SLC22A2: variants seen among roughly 807,000 people sequenced by gnomAD.
The protein encoded by SLC22A2 is solute carrier family 22 member 2, also known as organic cation transporter 2.
In SLC22A2, 46 loss-of-function variants were observed where a neutral mutation model predicts 60.5. The observed-to-expected ratio is 0.76, with a 90% CI of 0.60 to 0.97. The LOEUF is 0.97. Ranked by LOEUF, SLC22A2 falls within the 50% of genes least tolerant of loss-of-function variation. The pLI, the probability that SLC22A2 is intolerant of heterozygous loss-of-function variation, is 0.00. For synonymous variants in SLC22A2, 303 were observed against 267.0 expected (o/e 1.13, Z -1.31); for missense variants, 701 against 706.6 (o/e 0.99, Z 0.09).
At chr6:160,224,194 T>G (rs1583389666) in intron 10 of SLC22A2, among the ~76,000 whole-genome samples, 1 of 152,328 alleles carries the variant, frequency 6.6e-6, no homozygotes, top group East Asian at 1.9e-4. Flanking sequence ...CAGTGTTAAT[T>G]TGAACTTCTC....
At chr6:160,248,661 G>A (rs1270938892) in intron 4 of SLC22A2, among the ~76,000 whole-genome samples, 4 of 152,200 alleles carry the variant, frequency 2.6e-5, no homozygotes, top group Non-Finnish European at 4.4e-5. Context: ...TTTCCCATGT[G>A]TTTCCCTTAG....
intron 3 of SLC22A2, 112 bp from the exon 4 acceptor site, chr6:160,249,496 T>C: frequency 1.2e-6 from 1 of 802,750 alleles, no homozygotes; most frequent in South Asian, 1.6e-5. Flanking sequence ...TTCTAGAATA[T>C]TCTACGCAAC....
rs373809258 is a variant in SLC22A2, at chr6:160,247,177, G to A, written c.957+7C>T. 6.7e-7 allele frequency: 1 copy of A among 1,502,500 alleles called. No homozygotes were observed. Among genetic ancestry groups the A allele is most frequent in the Admixed American group, 1.7e-5 (1 of 59,856 alleles). The allele number at this position is 1,502,500 out of a possible 1,614,324, so 93.1% of individuals were successfully genotyped here. A position where few individuals can be genotyped will look rare whatever the true frequency, so the allele number is the denominator to read the frequency against. ...CCCCTGATTTGATACTTAAGGCCCT[G>A]GCTCACCTGAAGGGAGGCGGGTAGA... is the stretch of plus-strand genomic sequence containing the variant. On this transcript the variant is annotated splice_region_variant and intron_variant, in intron 5 of 10. Coordinates refer to ENST00000366953, the MANE Select transcript of SLC22A2 (RefSeq NM_003058.4).
intron 9 of SLC22A2, among the ~76,000 whole-genome samples, chr6:160,231,823 C>T (rs375136707): frequency 2.0e-5 from 3 of 151,896 alleles, no homozygotes; most frequent in African/African-American, 7.3e-5. Flanking sequence ...AAAGCTGCTC[C>T]TATGCTGGCT....
At chr6:160,243,460 T>C in intron 7 of SLC22A2, 112 bp downstream of exon 7, 2 of 863,370 alleles carry the variant, frequency 2.3e-6, no homozygotes, top group Non-Finnish European at 3.8e-6. Context: ...CTCCAATTTG[T>C]CTTTCCAAAT....
rs554054255 is a variant in SLC22A2, at chr6:160,245,605, A to G, written c.958-60T>C. The G allele has an allele frequency of 7.1e-4, 706 of 990,934 alleles. 4 individuals are homozygous for G. Among genetic ancestry groups the G allele is most frequent in the South Asian group, 2.7e-3 (168 of 63,188 alleles). The allele number at this position is 990,934 out of a possible 1,614,324, so 61.4% of individuals were successfully genotyped here. On this transcript the variant is annotated intron_variant, in intron 5 of 10. Transcript: ENST00000366953. ...TTTAATGCTAGTGTCCCTGGGTCAC[A>G]TAGGGAATAACAATAATTTCTTACC...
At chr6:160,241,895 A>G (rs974504955) in intron 8 of SLC22A2, among the ~76,000 whole-genome samples, 3 of 151,622 alleles carry the variant, frequency 2.0e-5, no homozygotes, top group African/African-American at 7.3e-5. Context: ...ATATATATAT[A>G]CATAATTCCA....
chr6:160,232,800 C>T lies in SLC22A2; in HGVS notation c.1502-7996G>A, dbSNP rs147834871. Among the ~76,000 whole-genome samples the T allele has an allele frequency of 1.4e-4, 22 of 151,998 alleles. No individual in the cohort carries two copies. The East Asian group carries it at 1.5e-3, about 11-fold the overall frequency. ...CTAGCATTCCAACTTCTATCCCTCA[C>T]GGCAGTTTTTCTCCTTCTCATCTGA... On this transcript the variant is annotated intron_variant, in intron 9 of 10. Coordinates refer to ENST00000366953, the MANE Select transcript of SLC22A2 (RefSeq NM_003058.4).
intron 9 of SLC22A2, among the ~76,000 whole-genome samples, chr6:160,230,703 C>G (rs1029472215): frequency 1.3e-5 from 2 of 151,950 alleles, no homozygotes; most frequent in African/African-American, 4.9e-5. Flanking sequence ...CACAAGAACT[C>G]CAAATGCCTG....
intron 4 of SLC22A2, among the ~76,000 whole-genome samples, chr6:160,247,741 C>T (rs1234804038): frequency 1.3e-5 from 2 of 152,300 alleles, no homozygotes; most frequent in Non-Finnish European, 2.9e-5. Context: ...AACTGAAAAG[C>T]GAGACTTCAT....
intron 9 of SLC22A2, among the ~76,000 whole-genome samples, chr6:160,240,194 C>G (rs1782975187): frequency 6.6e-6 from 1 of 152,002 alleles, no homozygotes; most frequent in Admixed American, 6.6e-5. Flanking sequence ...AGTAGGGAGG[C>G]AGGTAGGGAG....
rs1249035003 is a variant in SLC22A2, at chr6:160,258,582, A to C, written c.176T>G (p.Leu59Arg). The C allele has an allele frequency of 6.2e-7, 1 of 1,613,920 alleles. No homozygotes were observed. Among genetic ancestry groups the C allele is most frequent in the South Asian group, 1.1e-5 (1 of 91,052 alleles). The change falls in exon 1 of 11, where the codon CTG (leucine) becomes CGG (arginine). Residue 59 changes from leucine to arginine, a missense_variant. Coordinates refer to ENST00000366953, the MANE Select transcript of SLC22A2 (RefSeq NM_003058.4). The part of the protein sequence containing the change: ...HRCRSPGVAE[L>R]SLRCGWSPAE... Reference sequence around the variant, plus strand: ...AGGACTCCAGCCGCAGCGCAGACTCAGCTCGGCCACTCCGGGGCTCCGGCA... The same window carrying C: ...AGGACTCCAGCCGCAGCGCAGACTCCGCTCGGCCACTCCGGGGCTCCGGCA...
At position 160,241,202 on chromosome 6, in the gene SLC22A2, T is replaced by C. The variant is rs557733251; in HGVS notation, c.1501+272A>G. ...ATTCTTCTCTTCAACATTCTGCCTC[T>C]ATGGCAGGAGTCCCATACTTGAGTA... On this transcript the variant is annotated intron_variant, in intron 9 of 10. Coordinates refer to ENST00000366953, the MANE Select transcript of SLC22A2 (RefSeq NM_003058.4). 1.6e-3 allele frequency among the ~76,000 whole-genome samples: 248 copies of C among 152,274 alleles called. 1 individual carries two copies. Among genetic ancestry groups the C allele is most frequent in the African/African-American group, 5.7e-3 (238 of 41,572 alleles).
intron 2 of SLC22A2, among the ~76,000 whole-genome samples, chr6:160,253,151 C>G (rs1487318497): frequency 2.0e-5 from 3 of 152,220 alleles, no homozygotes; most frequent in Non-Finnish European, 4.4e-5. Flanking sequence ...CAATGTATAG[C>G]AGCAGCACCT....
At chr6:160,230,062 C>T (rs1023860417) in intron 9 of SLC22A2, among the ~76,000 whole-genome samples, 1 of 151,822 alleles carries the variant, frequency 6.6e-6, no homozygotes, top group Non-Finnish European at 1.5e-5. Flanking sequence ...TCAGTCCCAA[C>T]CCTAATCATC....
intron 9 of SLC22A2, among the ~76,000 whole-genome samples, chr6:160,230,464 G>A (rs552877739): frequency 1.3e-5 from 2 of 151,994 alleles, no homozygotes; most frequent in Admixed American, 1.3e-4. Context: ...ACCCTGAAGG[G>A]TCAGAAGGCC....
chr6:160,218,249 T>G, intron 10 of SLC22A2: 1 of 198,460 alleles, frequency 5.0e-6, no homozygotes. Context: ...GATGGGGAGG[T>G]AAAATCAAGT....
At position 160,249,388 on chromosome 6, in the gene SLC22A2, C is replaced by T. The variant is rs755477451; in HGVS notation, c.674-4G>A. 5.6e-6 allele frequency: 9 copies of T among 1,611,930 alleles called. No homozygotes were observed. In the South Asian group the frequency reaches 8.8e-5, roughly 16 times the overall value. ...CTCCGCCCAACAAATTCTGTAACTGCAGAGAGAATTTGAATGGTTAATGCA... is the reference window on the plus strand; with the variant it reads ...CTCCGCCCAACAAATTCTGTAACTGTAGAGAGAATTTGAATGGTTAATGCA... On this transcript the variant is annotated splice_polypyrimidine_tract_variant and splice_region_variant and intron_variant, in intron 3 of 10. Coordinates refer to ENST00000366953, the MANE Select transcript of SLC22A2 (RefSeq NM_003058.4).
intron 10 of SLC22A2, among the ~76,000 whole-genome samples, chr6:160,219,717 CT>C (rs1193081612): frequency 6.6e-6 from 1 of 151,984 alleles, no homozygotes; most frequent in Non-Finnish European, 1.5e-5. Context: ...TGGGGATTCA[CT>C]TCCAGACTAC....
Sources: allele counts gnomAD v4.1 joint callset (sites outside exome capture counted in the v4.1 genomes callset), GRCh38; gene constraint gnomAD v4.1.1; transcripts MANE v1.5; gene names NCBI Gene and HGNC (gene_info 2026-07-23, HGNC 2026-07-21).